Variants in DDX60L observed in about 807,000 individuals in gnomAD.
The protein encoded by DDX60L is DExD/H-box 60 like, also known as probable ATP-dependent RNA helicase DDX60-like.
DDX60L carries 191 observed loss-of-function variants against 211.6 expected under a neutral mutation model. The ratio of observed to expected loss-of-function variants is 0.90; its 90% CI spans 0.80 to 1.02. The LOEUF is 1.02. DDX60L is among the 50% of genes least tolerant of loss of function. The pLI, the probability that DDX60L is intolerant of heterozygous loss-of-function variation, is 0.00. For missense variants in DDX60L, 2,007 were observed against 1,984.1 expected, an observed-to-expected ratio of 1.01 and a Z score of -0.22; for synonymous variants, 706 against 694.1, an observed-to-expected ratio of 1.02 and a Z score of -0.27.
chr4:168,445,551 C>A (rs1369133347), intron 9 of DDX60L, among the ~76,000 whole-genome samples: 5 of 152,136 alleles, frequency 3.3e-5, no homozygotes, highest in African/African-American at 1.2e-4. Flanking sequence ...CATTCTGATA[C>A]CAAAGCCAGG....
chr4:168,395,488 C>T (rs1745608438), intron 27 of DDX60L, among the ~76,000 whole-genome samples: 1 of 152,108 alleles, frequency 6.6e-6, no homozygotes, highest in Non-Finnish European at 1.5e-5. Flanking sequence ...TTTTCAAGTA[C>T]TTCTGCAATG....
In DDX60L at chr4:168,456,127, T is replaced by C; in HGVS notation, c.749A>G (p.Gln250Arg). ...GTCCGATCCTTCTGACCATAGGTGC[T>C]GAAGCAGAAATAGAGTCTGATACGC... ...EEAYQTLFLL[Q>R]HLWSEGSDIQ... Residue 250 changes from glutamine to arginine, a missense_variant, in exon 7 of 38, where the codon CAG becomes CGG. Physicochemically the swap from Gln to Arg is conservative, Grantham distance 43. Transcript: ENST00000682922. 6.3e-7 allele frequency: 1 copy of C among 1,586,602 alleles called. No individual in the cohort carries two copies. Among genetic ancestry groups the C allele is most frequent in the Non-Finnish European group, 8.6e-7 (1 of 1,169,294 alleles).
chr4:168,450,761 A>C (rs1755694678), intron 8 of DDX60L, among the ~76,000 whole-genome samples: 1 of 152,102 alleles, frequency 6.6e-6, no homozygotes, highest in Admixed American at 6.5e-5. Context: ...ACAAAAAATA[A>C]AATTAGCCAG....
intron 36 of DDX60L, among the ~76,000 whole-genome samples, chr4:168,368,342 T>C (rs1170956196): frequency 2.0e-5 from 3 of 152,184 alleles, no homozygotes; most frequent in Non-Finnish European, 4.4e-5. Context: ...GCCCCAAGCC[T>C]TGGTAGCTTC....
chr4:168,366,141 G>A (rs1425468503), intron 36 of DDX60L, among the ~76,000 whole-genome samples: 2 of 152,092 alleles, frequency 1.3e-5, no homozygotes, highest in African/African-American at 4.8e-5. Flanking sequence ...CCTAGCCAGG[G>A]CAAGCAGACA....
chr4:168,392,614 C>A (rs1316086021), intron 28 of DDX60L, among the ~76,000 whole-genome samples: 1 of 151,968 alleles, frequency 6.6e-6, no homozygotes, highest in East Asian at 1.9e-4. Flanking sequence ...GAGGCCAAGG[C>A]AGGCCGATCA....
rs1257255882 is a variant in DDX60L at position 168,356,953 on chromosome 4, C to T, written c.*1194G>A. On this transcript the variant is annotated 3_prime_UTR_variant, in exon 38 of 38. Coordinates refer to ENST00000682922, the MANE Select transcript of DDX60L (RefSeq NM_001012967.3). ...TTTTAAATCACTTGCAGTTTAAGCT[C>T]ATTTGAGAAACTTTTTTCTCCTTCA... 1 of 152,142 alleles carries T rather than the reference C, an allele frequency of 6.6e-6. No homozygotes were observed. Among genetic ancestry groups the T allele is most frequent in the Non-Finnish European group, 1.5e-5 (1 of 68,022 alleles). The allele number at this position is 152,142 out of a possible 1,614,324, so 9.4% of individuals were successfully genotyped here. A position where few individuals can be genotyped will look rare whatever the true frequency, so the allele number is the denominator to read the frequency against.
intron 5 of DDX60L, among the ~76,000 whole-genome samples, chr4:168,459,581 AT>A (rs1211407496): frequency 6.6e-6 from 1 of 152,032 alleles, no homozygotes; most frequent in Non-Finnish European, 1.5e-5. Context: ...GTGAAACCCT[AT>A]CTCTACTAAG....
At position 168,461,804 on chromosome 4, in the gene DDX60L, T is replaced by C; in HGVS notation, c.501A>G (p.Gly167=). 1.9e-6 allele frequency: 3 copies of C among 1,606,178 alleles called. No homozygotes were observed. The highest frequency in any genetic ancestry group is 2.6e-6 in the Non-Finnish European group (3 of 1,175,394). The change falls in exon 5 of 38, where the codon GGA becomes GGG. Residue 167 remains glycine (G), a synonymous_variant. Coordinates refer to ENST00000682922, the MANE Select transcript of DDX60L (RefSeq NM_001012967.3). ...LFNFLIIHSW[G]MKVNVVLSSG... is the part of the protein sequence containing the mutation. The stretch of plus-strand genomic sequence containing the variant: ...ATGAAAGCACAACATTGACTTTCAT[T>C]CCCCAGGAATGTATGATTAGGAAGT...
chr4:168,473,964 C>G (rs1759148151), intron 1 of DDX60L, among the ~76,000 whole-genome samples: 1 of 152,116 alleles, frequency 6.6e-6, no homozygotes, highest in Non-Finnish European at 1.5e-5. Flanking sequence ...ACTGAAGGGA[C>G]AGAAAGCAGA....
chr4:168,423,760 C>G lies in DDX60L; in HGVS notation c.1945G>C (p.Asp649His), dbSNP rs755099625. ...ATCATTTGAACAGCTATACTTAAAT[C>G]TTTCGAAATTTTGCCTTGTTAAAGA... ...HCRGEGKISK[D>H]LSIAVQMMKR... Residue 649 changes from aspartate (D) to histidine (H), a missense_variant, in exon 15 of 38, where the codon GAT (aspartate) becomes CAT (histidine). By Grantham distance (81) the Asp-to-His change is moderately conservative. Coordinates refer to ENST00000682922, the MANE Select transcript of DDX60L (RefSeq NM_001012967.3). 2 of 1,571,008 alleles carry G rather than the reference C, an allele frequency of 1.3e-6. No homozygotes were observed. Among genetic ancestry groups the G allele is most frequent in the South Asian group, 1.2e-5 (1 of 83,100 alleles).
rs967122568 is a variant in DDX60L at position 168,433,055 on chromosome 4, T to A, written c.1355A>T (p.Asp452Val). ...GFIPMTSAVI[D>V]EFVGDMMKDL... ...CTTCATCATATCTCCAACAAACTCA[T>A]CAATTACAGCAGATGTCATTGGAAT... Residue 452 changes from aspartate (D) to valine (V), a missense_variant, in exon 11 of 38, where the codon GAT (aspartate) becomes GTT (valine). Transcript: ENST00000682922. 8.7e-6 allele frequency: 14 copies of A among 1,609,988 alleles called. No individual in the cohort carries two copies. Among genetic ancestry groups the A allele is most frequent in the Non-Finnish European group, 1.2e-5 (14 of 1,177,858 alleles).
intron 8 of DDX60L, among the ~76,000 whole-genome samples, chr4:168,450,282 T>G (rs537027835): frequency 9.9e-5 from 15 of 152,112 alleles, no homozygotes; most frequent in Non-Finnish European, 2.1e-4. Flanking sequence ...TCTGATCTTG[T>G]GGTCCCCATC....
chr4:168,475,361 T>C (rs2029385), intron 1 of DDX60L, among the ~76,000 whole-genome samples: 42,821 of 152,140 alleles, frequency 0.28, 7,706 homozygotes, highest in East Asian at 0.65. Flanking sequence ...CTTTAATGCT[T>C]TGAAAAGTCT....
chr4:168,384,835 A>G (rs764892893), intron 29 of DDX60L, 23 bp from the exon 30 acceptor site: 5 of 1,598,934 alleles, frequency 3.1e-6, no homozygotes, highest in African/African-American at 1.3e-5. Flanking sequence ...AAGAATCACA[A>G]TGTAAAACCT....
intron 35 of DDX60L, among the ~76,000 whole-genome samples, chr4:168,372,675 C>T (rs985954245): frequency 6.6e-6 from 1 of 150,750 alleles, no homozygotes; most frequent in Non-Finnish European, 1.5e-5. Context: ...TGCAGTGAGC[C>T]GAGATAGTGC....
intron 26 of DDX60L, among the ~76,000 whole-genome samples, chr4:168,396,692 A>G (rs892815955): frequency 4.6e-5 from 7 of 151,982 alleles, no homozygotes; most frequent in African/African-American, 1.7e-4. Flanking sequence ...CTAGTCCTGA[A>G]AAAAGACTGA....
At position 168,371,677 on chromosome 4, in the gene DDX60L, T is replaced by C. The variant is rs758841795; in HGVS notation, c.4863A>G (p.Pro1621=). 5.0e-6 allele frequency: 8 copies of C among 1,605,940 alleles called. No homozygotes were observed. Among genetic ancestry groups the C allele is most frequent in the East Asian group, 2.2e-5 (1 of 44,560 alleles). ...WKLDNRGRRM[P]LNAYVLNFYK... ...AGAAATTGAGCACATATGCATTTAGTGGCATTCTCCTTCCTCGGTTATCTA... is the reference window on the plus strand; with the variant it reads ...AGAAATTGAGCACATATGCATTTAGCGGCATTCTCCTTCCTCGGTTATCTA... Residue 1621 remains proline, a synonymous_variant, in exon 36 of 38, where the codon CCA becomes CCG. Coordinates refer to ENST00000682922, the MANE Select transcript of DDX60L (RefSeq NM_001012967.3).
chr4:168,369,107 G>C (rs1224776465), intron 36 of DDX60L, among the ~76,000 whole-genome samples: 1 of 152,126 alleles, frequency 6.6e-6, no homozygotes, highest in Non-Finnish European at 1.5e-5. Flanking sequence ...ATTTGGGAGG[G>C]GCCAGGGGCA....
Sources: allele counts gnomAD v4.1 joint callset (sites outside exome capture counted in the v4.1 genomes callset), GRCh38; gene constraint gnomAD v4.1.1; transcripts MANE v1.5; gene names NCBI Gene and HGNC (gene_info 2026-07-23, HGNC 2026-07-21).